The following LRP2 variants were observed in gnomAD, a reference collection of about 807,000 sequenced individuals.
LRP2 encodes the protein LDL receptor related protein 2.
Under a neutral mutation model 531.0 loss-of-function variants are expected in LRP2, and 172 were observed. The observed-to-expected ratio is 0.32, with a 90% CI of 0.29 to 0.37. LRP2 has a LOEUF of 0.37. LRP2 is among the 10% of genes least tolerant of loss of function. The pLI, the probability that LRP2 is intolerant of heterozygous loss-of-function variation, is 1.00. For synonymous variants in LRP2, 1,992 were observed against 2,027.6 expected, an observed-to-expected ratio of 0.98 and a Z score of 0.47; for missense variants, 5,167 against 5,868.3, an observed-to-expected ratio of 0.88 and a Z score of 3.90.
intron 16 of LRP2, among the ~76,000 whole-genome samples, chr2:169,261,500 T>G (rs1349965979): frequency 1.4e-5 from 2 of 147,996 alleles, no homozygotes; most frequent in Non-Finnish European, 3.0e-5. Flanking sequence ...ACTCATTTCC[T>G]GCATATACTG....
At chr2:169,327,261 G>A (rs1216810634) in intron 1 of LRP2, among the ~76,000 whole-genome samples, 3 of 19,472 alleles carry the variant, frequency 1.5e-4, no homozygotes, top group Non-Finnish European at 3.8e-4. Flanking sequence ...CCGGGAGGGA[G>A]GTGGGGGGGT....
At chr2:169,283,104 C>T in intron 9 of LRP2, 103 bp from the exon 10 acceptor site, 1 of 1,191,956 alleles carries the variant, frequency 8.4e-7, no homozygotes, top group South Asian at 1.2e-5. Flanking sequence ...TGGTGTTGCC[C>T]ATGTCTAAAT....
Position 169,166,153 on chromosome 2 carries a change from C to A in LRP2, c.11636-99G>T, listed in dbSNP as rs1686775061. The stretch of plus-strand genomic sequence containing the variant: ...GTGTCAGCACCAGGCTTGCTTCATT[C>A]ATGCACTCATTTACTCATTTGATTA... On this transcript the variant is annotated intron_variant, in intron 61 of 78. Coordinates refer to ENST00000649046, the MANE Select transcript of LRP2 (RefSeq NM_004525.3). 4.1e-6 allele frequency: 5 copies of A among 1,222,294 alleles called. No homozygotes were observed. The Admixed American group carries it at 8.8e-5, about 22-fold the overall frequency. The allele number at this position is 1,222,294 out of a possible 1,614,324, so 75.7% of individuals were successfully genotyped here. A position where few individuals can be genotyped will look rare whatever the true frequency, so the allele number is the denominator to read the frequency against.
intron 10 of LRP2, among the ~76,000 whole-genome samples, chr2:169,282,118 A>G (rs1683720022): frequency 6.6e-6 from 1 of 152,238 alleles, no homozygotes; most frequent in African/African-American, 2.4e-5. Flanking sequence ...AAAAGTTACT[A>G]CACAGCAAAT....
chr2:169,162,562 A>G lies in LRP2; in HGVS notation c.11797T>C (p.Tyr3933His). The G allele has an allele frequency of 6.2e-7, 1 of 1,612,204 alleles. No homozygotes were observed. Residue 3933 changes from tyrosine (Y) to histidine (H), a missense_variant, in exon 63 of 79, where the codon TAT (tyrosine) becomes CAT (histidine). By Grantham distance (83) the Tyr-to-His change is moderately conservative (BLOSUM62 2). Coordinates refer to ENST00000649046, the MANE Select transcript of LRP2 (RefSeq NM_004525.3). ...ATGCAATGCCCATTGCCACACTTAT[A>G]TTCATATTCTGTACAAGGTTTAGGG... ...PTPKPCTEYE[Y>H]KCGNGHCIPH...
intron 49 of LRP2, among the ~76,000 whole-genome samples, chr2:169,186,329 T>C (rs1252504987): frequency 6.6e-6 from 1 of 152,194 alleles, no homozygotes; most frequent in African/African-American, 2.4e-5. Context: ...TGCTCTGATT[T>C]GTAGCATGTT....
At chr2:169,288,705 A>G (rs1683921644) in intron 9 of LRP2, among the ~76,000 whole-genome samples, 1 of 152,230 alleles carries the variant, frequency 6.6e-6, no homozygotes, top group African/African-American at 2.4e-5. Context: ...TTCAATAACC[A>G]GTATGGCTGC....
chr2:169,196,795 G>A (rs1688018826), intron 46 of LRP2, 116 bp downstream of exon 46: 1 of 1,422,074 alleles, frequency 7.0e-7, no homozygotes, highest in African/African-American at 1.4e-5. Flanking sequence ...TGAAAGCTGG[G>A]ACAGGAAGTC....
intron 3 of LRP2, among the ~76,000 whole-genome samples, chr2:169,307,690 A>G (rs1168629678): frequency 6.6e-6 from 1 of 152,330 alleles, no homozygotes; most frequent in South Asian, 2.1e-4. Context: ...TGAAATAAAA[A>G]TTTTGCAAGT....
intron 1 of LRP2, among the ~76,000 whole-genome samples, chr2:169,330,436 A>C (rs139025262): frequency 6.6e-6 from 1 of 152,176 alleles, no homozygotes; most frequent in Non-Finnish European, 1.5e-5. Context: ...ACCCTTCTCC[A>C]TTTCCATTTA....
intron 1 of LRP2, among the ~76,000 whole-genome samples, chr2:169,358,233 G>T (rs1051080081): frequency 2.0e-5 from 3 of 152,164 alleles, no homozygotes; most frequent in African/African-American, 7.2e-5. Flanking sequence ...ATGGTCCACT[G>T]CAAATTTATA....
At chr2:169,156,147 T>G (rs996972820) in intron 65 of LRP2, 127 bp downstream of exon 65, 27 of 1,274,744 alleles carry the variant, frequency 2.1e-5, no homozygotes, top group Non-Finnish European at 8.9e-6. Flanking sequence ...GAGAAGCAGC[T>G]GGCGAGTTTA....
chr2:169,259,364 A>C (rs1690447436), intron 16 of LRP2, 147 bp from the exon 17 acceptor site: 7 of 560,604 alleles, frequency 1.2e-5, no homozygotes, highest in South Asian at 2.0e-5. Context: ...AAAAAAAAAA[A>C]AACTCTGTAA....
intron 33 of LRP2, among the ~76,000 whole-genome samples, chr2:169,223,864 C>A (rs781251842): frequency 2.0e-5 from 3 of 152,216 alleles, no homozygotes; most frequent in Admixed American, 6.5e-5. Context: ...GAACTGCCTG[C>A]CCTCAGGAAT....
intron 3 of LRP2, 48 bp downstream of exon 3, chr2:169,318,714 T>C: frequency 6.2e-7 from 1 of 1,613,178 alleles, no homozygotes; most frequent in Non-Finnish European, 8.5e-7. Flanking sequence ...ACAGGTTGGG[T>C]TTTAGGTGTC....
At chr2:169,238,661 C>T (rs77462435) in intron 26 of LRP2, among the ~76,000 whole-genome samples, 1,916 of 152,122 alleles carry the variant, frequency 0.013, 21 homozygotes, top group Middle Eastern at 0.068. Context: ...TTCTGGACAG[C>T]AGGAATCATG....
At position 169,188,763 on chromosome 2, in the gene LRP2, T is replaced by A. The variant is rs112151948; in HGVS notation, c.9033-498A>T. Among the ~76,000 whole-genome samples the A allele has an allele frequency of 2.3e-4, 35 of 152,228 alleles. 1 individual carries two copies. The highest frequency in any genetic ancestry group is 8.2e-4 in the African/African-American group (34 of 41,544). On this transcript the variant is annotated intron_variant, in intron 48 of 78. Coordinates refer to ENST00000649046, the MANE Select transcript of LRP2 (RefSeq NM_004525.3). ...CATGATAAAAGTGCCCATACCCAAA[T>A]GGAAACTCATAGGGTGAGTGCTATA... is the stretch of plus-strand genomic sequence containing the variant.
intron 67 of LRP2, among the ~76,000 whole-genome samples, 179 bp downstream of exon 67, chr2:169,152,620 A>G (rs1686185186): frequency 6.6e-6 from 1 of 152,132 alleles, no homozygotes; most frequent in Admixed American, 6.6e-5. Context: ...TCTCCATGAC[A>G]TGCTGGGGTA....
At chr2:169,351,231 A>G (rs1325615453) in intron 1 of LRP2, among the ~76,000 whole-genome samples, 3 of 152,248 alleles carry the variant, frequency 2.0e-5, no homozygotes, top group Admixed American at 2.0e-4. Flanking sequence ...CTTTGACCAA[A>G]AAAATATCTA....
Sources: allele counts gnomAD v4.1 joint callset (sites outside exome capture counted in the v4.1 genomes callset), GRCh38; gene constraint gnomAD v4.1.1; transcripts MANE v1.5; gene names NCBI Gene and HGNC (gene_info 2026-07-23, HGNC 2026-07-21).